The following UTRN variants were observed in gnomAD, a reference collection of about 807,000 sequenced individuals.
The protein encoded by UTRN is dystrophin-related protein 1.
A neutral mutation model predicts 463.9 loss-of-function variants in UTRN; 283 were observed. That is an observed-to-expected ratio of 0.61 (90% confidence interval 0.55 to 0.67). The LOEUF (loss-of-function observed/expected upper bound fraction) is 0.67, where lower values mean the gene tolerates loss of function less well. Ranked by LOEUF, UTRN falls within the 30% of genes least tolerant of loss-of-function variation. The pLI is 0.00. For synonymous variants in UTRN, 1,442 were observed against 1,431.5 expected, an observed-to-expected ratio of 1.01 and a Z score of -0.17; for missense variants, 3,922 against 4,084.3, an observed-to-expected ratio of 0.96 and a Z score of 1.08.
At chr6:144,526,687 A>G (rs1796596439) in intron 41 of UTRN, among the ~76,000 whole-genome samples, 1 of 148,314 alleles carries the variant, frequency 6.7e-6, no homozygotes, top group African/African-American at 2.5e-5. Flanking sequence ...ATTGAATGTT[A>G]TTATTGAGAT....
At chr6:144,453,657 G>T in intron 18 of UTRN, 125 bp from the exon 19 acceptor site, 4 of 712,440 alleles carry the variant, frequency 5.6e-6, no homozygotes, top group Non-Finnish European at 8.9e-6. Flanking sequence ...CTATGATTAC[G>T]TTTGAATTTA....
At chr6:144,536,669 G>A (rs1797562953) in intron 43 of UTRN, among the ~76,000 whole-genome samples, 1 of 151,822 alleles carries the variant, frequency 6.6e-6, no homozygotes, top group African/African-American at 2.4e-5. Flanking sequence ...ATTCTTATTA[G>A]GAATGATACA....
Position 144,363,812 on chromosome 6 carries a change from A to T in UTRN, c.80-39311A>T, listed in dbSNP as rs563385854. Among the ~76,000 whole-genome samples, 83 of 152,316 alleles carry T rather than the reference A, an allele frequency of 5.4e-4. No individual in the cohort carries two copies. In the South Asian group the frequency reaches 8.1e-3, roughly 15 times the overall value. On this transcript the variant is annotated intron_variant, in intron 2 of 74. Coordinates refer to ENST00000367545, the MANE Select transcript of UTRN (RefSeq NM_007124.3). ...ATACTGATGGCAATGTTGGGGCTGG[A>T]GGAAAATGTTCCAGGTAGAGGGCAC...
At chr6:144,707,519 T>C (rs1785216903) in intron 53 of UTRN, among the ~76,000 whole-genome samples, 1 of 152,140 alleles carries the variant, frequency 6.6e-6, no homozygotes, top group African/African-American at 2.4e-5. Flanking sequence ...ATTGAAAGAA[T>C]TGGTATAGAT....
chr6:144,635,514 C>CTTTTCTT (rs1777035213), intron 51 of UTRN, among the ~76,000 whole-genome samples: 4 of 80,012 alleles, frequency 5.0e-5, no homozygotes, highest in African/African-American at 2.0e-4. Context: ...CTTTTTTTTT[C>CTTTTCTT]TTTTTTTTTT....
chr6:144,490,780 T>C, intron 31 of UTRN, 149 bp from the exon 32 acceptor site: 4 of 838,818 alleles, frequency 4.8e-6, no homozygotes, highest in Non-Finnish European at 6.9e-6. Flanking sequence ...CTCACTGAGA[T>C]TCATTAGGAG....
chr6:144,754,437 T>G (rs1791757300), intron 56 of UTRN, among the ~76,000 whole-genome samples: 1 of 152,096 alleles, frequency 6.6e-6, no homozygotes, highest in African/African-American at 2.4e-5. Flanking sequence ...AAAAATAACC[T>G]TTACAGTTAT....
At chr6:144,725,027 T>C (rs1472276592) in intron 53 of UTRN, among the ~76,000 whole-genome samples, 1 of 152,126 alleles carries the variant, frequency 6.6e-6, no homozygotes, top group Admixed American at 6.5e-5. Flanking sequence ...ATTTCCAGAG[T>C]GGCTGTGATA....
chr6:144,822,645 CTT>C (rs1188645433), intron 66 of UTRN, among the ~76,000 whole-genome samples: 4 of 152,054 alleles, frequency 2.6e-5, no homozygotes, highest in Non-Finnish European at 5.9e-5. Context: ...TTTTGGTCCT[CTT>C]TTTGATTTGT....
rs143577769 is a variant in UTRN at position 144,428,148 on chromosome 6, C to A, written c.579-630C>A. ...GATAAGTCAAAGCAACAATAATGTC[C>A]AATTTGTGAGATTAAAAGAAAATCA... On this transcript the variant is annotated intron_variant, in intron 7 of 74. Coordinates refer to ENST00000367545, the MANE Select transcript of UTRN (RefSeq NM_007124.3). 1.3e-3 allele frequency among the ~76,000 whole-genome samples: 205 copies of A among 152,094 alleles called. 2 individuals carry two copies. Among genetic ancestry groups the A allele is most frequent in the Non-Finnish European group, 2.4e-3 (160 of 67,982 alleles).
At position 144,818,892 on chromosome 6, in the gene UTRN, G is replaced by GT. The variant is rs760333445; in HGVS notation, c.9358-1977dup. Among the ~76,000 whole-genome samples, 911 of 146,616 alleles carry GT rather than the reference G, an allele frequency of 6.2e-3. 2 individuals carry two copies. The highest frequency in any genetic ancestry group is 9.6e-3 in the Non-Finnish European group (630 of 65,662). ...TATTTGCTCCCAACTACAATCTGTT[G>GT]TTTTTTTTTTTTTCCTTTTCTGCCT... On this transcript the variant is annotated intron_variant, in intron 65 of 74. Transcript: ENST00000367545.
chr6:144,453,689 T>C (rs1415954733), intron 18 of UTRN, 93 bp from the exon 19 acceptor site: 12 of 961,962 alleles, frequency 1.2e-5, no homozygotes, highest in Non-Finnish European at 1.8e-5. Flanking sequence ...TTAAAAAGAA[T>C]GTAGGAGGGC....
intron 53 of UTRN, among the ~76,000 whole-genome samples, chr6:144,722,581 A>G (rs1787320406): frequency 1.3e-5 from 2 of 152,166 alleles, no homozygotes; most frequent in African/African-American, 2.4e-5. Flanking sequence ...ATAGACTGTG[A>G]CACCGTGATG....
intron 51 of UTRN, among the ~76,000 whole-genome samples, chr6:144,585,222 C>G (rs1348884655): frequency 6.6e-6 from 1 of 152,012 alleles, no homozygotes; most frequent in Non-Finnish European, 1.5e-5. Flanking sequence ...GGGAAGACTT[C>G]TTGATTTATA....
chr6:144,362,264 G>T (rs544062780), intron 2 of UTRN, among the ~76,000 whole-genome samples: 30 of 152,274 alleles, frequency 2.0e-4, no homozygotes, highest in Admixed American at 1.1e-3. Context: ...GAGGATAGGT[G>T]ATGTGCCCGC....
At chr6:144,401,531 G>T (rs529784752) in intron 2 of UTRN, among the ~76,000 whole-genome samples, 1 of 152,156 alleles carries the variant, frequency 6.6e-6, no homozygotes, top group Non-Finnish European at 1.5e-5. Context: ...TGTCTTTGCT[G>T]TCCTTTCTTG....
At chr6:144,807,763 C>A (rs1778271822) in intron 65 of UTRN, among the ~76,000 whole-genome samples, 1 of 152,138 alleles carries the variant, frequency 6.6e-6, no homozygotes, top group Non-Finnish European at 1.5e-5. Context: ...TCCCTTGTAT[C>A]ATTTTCTAAC....
chr6:144,543,013 A>C, intron 46 of UTRN, 143 bp downstream of exon 46: 1 of 737,348 alleles, frequency 1.4e-6, no homozygotes, highest in Non-Finnish European at 2.1e-6. Context: ...ATTTGGAAAG[A>C]ACATCTTCTT....
chr6:144,748,189 T>G (rs1790970312), intron 54 of UTRN, 57 bp from the exon 55 acceptor site: 4 of 1,530,016 alleles, frequency 2.6e-6, no homozygotes, highest in Non-Finnish European at 2.6e-6. Flanking sequence ...CACACTTGGC[T>G]ATTAAGAATA....
Sources: allele counts gnomAD v4.1 joint callset (sites outside exome capture counted in the v4.1 genomes callset), GRCh38; gene constraint gnomAD v4.1.1; transcripts MANE v1.5; gene names NCBI Gene and HGNC (gene_info 2026-07-23, HGNC 2026-07-21).